SMARCC1: variants seen among roughly 807,000 people sequenced by gnomAD.
SMARCC1 encodes SWI/SNF related BAF chromatin remodeling complex subunit C1.
Under a neutral mutation model 147.4 loss-of-function variants are expected in SMARCC1, and 43 were observed. The observed-to-expected ratio is 0.29, with a 90% confidence interval of 0.23 to 0.38. SMARCC1 has a LOEUF of 0.38. Among genes scored for constraint, SMARCC1 ranks in the 10% least tolerant of loss-of-function variants. The pLI is 1.00. For missense variants in SMARCC1, 1,119 were observed against 1,381.1 expected (o/e 0.81, Z 3.01); for synonymous variants, 495 against 484.4 (o/e 1.02, Z -0.29).
intron 11 of SMARCC1, among the ~76,000 whole-genome samples, chr3:47,698,537 A>C (rs1017376014): frequency 1.3e-5 from 2 of 152,152 alleles, no homozygotes; most frequent in South Asian, 4.1e-4. Flanking sequence ...ATACACGGCC[A>C]AAAATTAAGG....
rs762826361 is a variant in SMARCC1 at position 47,610,106 on chromosome 3, C to T, written c.3003G>A (p.Leu1001=). 4 of 1,613,102 alleles carry T rather than the reference C, an allele frequency of 2.5e-6. No homozygotes were observed. The Admixed American group carries it at 6.7e-5, about 27-fold the overall frequency. ...GAGGTGGTGGCATCTGGTGGTGCAT[C>T]AGAGGGTAGGGAGGGGGCTGTTGAT... ...MPHQQPPPYP[L]MHHQMPPPHP... Residue 1001 remains leucine (L), a synonymous_variant, in exon 26 of 28, where the codon CTG becomes CTA. Coordinates refer to ENST00000254480, the MANE Select transcript of SMARCC1 (RefSeq NM_003074.4).
At chr3:47,727,835 C>T (rs1485792109) in intron 6 of SMARCC1, among the ~76,000 whole-genome samples, 4 of 152,058 alleles carry the variant, frequency 2.6e-5, no homozygotes. Context: ...AGGTGATCCA[C>T]CCGCCTTGGC....
At chr3:47,644,353 G>A (rs932748776) in intron 21 of SMARCC1, among the ~76,000 whole-genome samples, 2 of 152,046 alleles carry the variant, frequency 1.3e-5, no homozygotes, top group African/African-American at 4.8e-5. Context: ...AAAATTAGCT[G>A]AGCACAGCGG....
At chr3:47,636,754 T>C in intron 22 of SMARCC1, among the ~76,000 whole-genome samples, 1 of 150,966 alleles carries the variant, frequency 6.6e-6, no homozygotes. Context: ...AGACTCCATC[T>C]CAAAAACAAC....
Position 47,686,042 on chromosome 3 carries a change from C to T in SMARCC1, c.1385+7G>A. The T allele has an allele frequency of 6.2e-7, 1 of 1,612,610 alleles. No homozygotes were observed. Among genetic ancestry groups the T allele is most frequent in the Non-Finnish European group, 8.5e-7 (1 of 1,178,986 alleles). Reference sequence around the variant, plus strand: ...ACCATGCTCACAGATGGAAGTGGTCCACTCACCAGTTATAATCAAACCATG... The same window carrying T: ...ACCATGCTCACAGATGGAAGTGGTCTACTCACCAGTTATAATCAAACCATG... On this transcript the variant is annotated splice_region_variant and intron_variant, in intron 14 of 27. Coordinates refer to ENST00000254480, the MANE Select transcript of SMARCC1 (RefSeq NM_003074.4).
At chr3:47,591,965 T>C (rs1178726576) in intron 26 of SMARCC1, among the ~76,000 whole-genome samples, 10 of 152,254 alleles carry the variant, frequency 6.6e-5, no homozygotes, top group Non-Finnish European at 1.0e-4. Context: ...TGTAGTTTTT[T>C]TCTTTAAATC....
intron 2 of SMARCC1, among the ~76,000 whole-genome samples, chr3:47,753,606 C>G (rs746740771): frequency 1.4e-5 from 2 of 145,632 alleles, no homozygotes; most frequent in Non-Finnish European, 3.0e-5. Flanking sequence ...CCCAGCTACT[C>G]GAGAGGCTGA....
In SMARCC1 at chr3:47,768,133, A is replaced by C. The variant is rs897217540; in HGVS notation, c.315+4684T>G. 2.0e-5 allele frequency among the ~76,000 whole-genome samples: 3 copies of C among 152,272 alleles called. No individual in the cohort carries two copies. The East Asian group carries it at 5.8e-4, about 29-fold the overall frequency. The stretch of plus-strand genomic sequence containing the variant: ...GAGATTACAGGTGTGAGCCATGCCC[A>C]GCATAAACTCTTATACCATACTGAT... On this transcript the variant is annotated intron_variant, in intron 2 of 27. Coordinates refer to ENST00000254480, the MANE Select transcript of SMARCC1 (RefSeq NM_003074.4).
intron 10 of SMARCC1, among the ~76,000 whole-genome samples, chr3:47,704,965 G>A (rs1291972467): frequency 6.8e-6 from 1 of 146,792 alleles, no homozygotes; most frequent in Non-Finnish European, 1.5e-5. Flanking sequence ...TGTAGGCCAG[G>A]CACGGTGGCT....
At chr3:47,673,408 G>GA (rs1387529766) in intron 18 of SMARCC1, among the ~76,000 whole-genome samples, 1 of 110,834 alleles carries the variant, frequency 9.0e-6, no homozygotes, top group African/African-American at 3.0e-5. Flanking sequence ...GTGGGGGGGG[G>GA]GCAGGCCAGT....
intron 9 of SMARCC1, among the ~76,000 whole-genome samples, chr3:47,708,013 G>T (rs1312796881): frequency 7.0e-6 from 1 of 143,586 alleles, no homozygotes; most frequent in Admixed American, 7.0e-5. Flanking sequence ...GTATGTAATA[G>T]CAGTTTGAAA....
At chr3:47,769,361 C>G (rs1042387721) in intron 2 of SMARCC1, among the ~76,000 whole-genome samples, 13 of 150,544 alleles carry the variant, frequency 8.6e-5, no homozygotes, top group African/African-American at 3.2e-4. Context: ...CTAGAAAATA[C>G]AAAAATTAGC....
intron 5 of SMARCC1, among the ~76,000 whole-genome samples, chr3:47,733,043 G>A (rs1331729472): frequency 6.6e-6 from 1 of 151,246 alleles, no homozygotes; most frequent in Non-Finnish European, 1.5e-5. Context: ...GGAGGTGGAG[G>A]ATGCAGTGAG....
chr3:47,737,969 T>C, intron 4 of SMARCC1, 60 bp downstream of exon 4: 1 of 1,292,588 alleles, frequency 7.7e-7, no homozygotes, highest in Admixed American at 2.2e-5. Context: ...GGCCAGCCAA[T>C]CTTAAAACTG....
intron 2 of SMARCC1, among the ~76,000 whole-genome samples, chr3:47,768,357 T>C (rs975721432): frequency 3.9e-5 from 6 of 152,158 alleles, no homozygotes; most frequent in Admixed American, 6.6e-5. Flanking sequence ...AAACCAGGAA[T>C]TGTTTTTAAT....
chr3:47,688,129 G>A (rs1415104025), intron 13 of SMARCC1, among the ~76,000 whole-genome samples: 6 of 152,094 alleles, frequency 3.9e-5, no homozygotes, highest in Admixed American at 2.6e-4. Flanking sequence ...GCGTGGTGGT[G>A]CATGCCTGTA....
intron 7 of SMARCC1, 129 bp from the exon 8 acceptor site, chr3:47,714,619 T>G (rs2034133631): frequency 1.7e-6 from 1 of 584,172 alleles, no homozygotes; most frequent in African/African-American, 1.9e-5. Flanking sequence ...ATGGTGAAAC[T>G]GCGTCTCTAC....
intron 11 of SMARCC1, among the ~76,000 whole-genome samples, chr3:47,697,956 C>A (rs1242062216): frequency 8.6e-6 from 1 of 115,834 alleles, no homozygotes; most frequent in Non-Finnish European, 1.6e-5. Context: ...TGCAGTGAGT[C>A]GAGATCGCGC....
intron 3 of SMARCC1, among the ~76,000 whole-genome samples, chr3:47,743,447 T>A (rs895630049): frequency 2.0e-5 from 3 of 152,210 alleles, no homozygotes; most frequent in Non-Finnish European, 2.9e-5. Context: ...TCCTTTTTTT[T>A]TGAGACAAGC....
Sources: gnomAD v4.1 joint callset for allele counts (sites outside exome capture counted in the v4.1 genomes callset) on GRCh38, gnomAD v4.1.1 for gene constraint, MANE v1.5 for transcripts, NCBI Gene and HGNC (gene_info 2026-07-23, HGNC 2026-07-21) for gene names.